Variants in LRTM1 observed in about 807,000 individuals in gnomAD.
The protein encoded by LRTM1 is leucine rich repeat transmembrane protein 1, also known as leucine-rich repeat and transmembrane domain-containing protein 1.
A neutral mutation model predicts 32.4 loss-of-function variants in LRTM1; 38 were observed. The observed-to-expected ratio is 1.17, with a 90% CI of 0.91 to 1.54. The LOEUF is 1.54. LRTM1 is among the 40% of genes most tolerant of loss of function. The pLI, the probability that LRTM1 is intolerant of heterozygous loss-of-function variation, is 0.00. For synonymous variants in LRTM1, 186 were observed against 169.9 expected, an observed-to-expected ratio of 1.09 and a Z score of -0.74; for missense variants, 466 against 415.4, an observed-to-expected ratio of 1.12 and a Z score of -1.06.
chr3:54,948,047 G>A (rs1416645036), intron 1 of LRTM1, among the ~76,000 whole-genome samples: 1 of 152,112 alleles, frequency 6.6e-6, no homozygotes, highest in Non-Finnish European at 1.5e-5. Flanking sequence ...TTCAATACAG[G>A]GCAGACCTTC....
intron 1 of LRTM1, among the ~76,000 whole-genome samples, chr3:54,944,396 G>GTATTTATTTATT (rs542683931): frequency 3.7e-4 from 55 of 148,634 alleles, no homozygotes; most frequent in Middle Eastern, 3.5e-3. Context: ...ATTTCCCAGG[G>GTATTTATTTATT]TATTTATTTA....
chr3:54,948,766 A>G (rs914000127), intron 1 of LRTM1, among the ~76,000 whole-genome samples: 2 of 152,242 alleles, frequency 1.3e-5, no homozygotes, highest in African/African-American at 4.8e-5. Context: ...ACAGATCTCT[A>G]TACATGAAGA....
chr3:54,934,010 G>T (rs1701270082), intron 1 of LRTM1, among the ~76,000 whole-genome samples: 1 of 152,052 alleles, frequency 6.6e-6, no homozygotes, highest in African/African-American at 2.4e-5. Flanking sequence ...ACCTGGGGTG[G>T]TCCACCTGCC....
At chr3:54,928,927 C>T (rs902145042), upstream of LRTM1, among the ~76,000 whole-genome samples, 8 of 152,148 alleles carry the variant, frequency 5.3e-5, no homozygotes, top group Non-Finnish European at 1.0e-4. Context: ...GGACTGGAAC[C>T]GTTTCTTTGA....
At chr3:54,922,198 T>A (rs1700872682) in intron 2 of LRTM1, among the ~76,000 whole-genome samples, 1 of 152,154 alleles carries the variant, frequency 6.6e-6, no homozygotes, top group Non-Finnish European at 1.5e-5. Context: ...TCAGTTTCCC[T>A]CTGGTGACAC....
chr3:54,921,438 T>A (rs1057299845), intron 2 of LRTM1, among the ~76,000 whole-genome samples: 3 of 152,152 alleles, frequency 2.0e-5, no homozygotes, highest in African/African-American at 7.2e-5. Context: ...TGTTTACTAG[T>A]AAATAGAGAG....
At chr3:54,946,455 A>G (rs1451264573) in intron 1 of LRTM1, among the ~76,000 whole-genome samples, 1 of 152,196 alleles carries the variant, frequency 6.6e-6, no homozygotes, top group Admixed American at 6.5e-5. Context: ...TGTTGGATGA[A>G]GAGAATATAG....
chr3:54,963,669 T>A (rs1316929837), intron 1 of LRTM1, among the ~76,000 whole-genome samples: 1 of 152,210 alleles, frequency 6.6e-6, no homozygotes, highest in East Asian at 1.9e-4. Context: ...GTGTTTTGGA[T>A]GATGCCCTGC....
chr3:54,935,507 C>T (rs1037831085), intron 1 of LRTM1, among the ~76,000 whole-genome samples: 1 of 152,158 alleles, frequency 6.6e-6, no homozygotes, highest in Non-Finnish European at 1.5e-5. Context: ...GGAAGCCTGG[C>T]CAAAGCCTCA....
chr3:54,936,163 C>CA (rs539489771), intron 1 of LRTM1, among the ~76,000 whole-genome samples: 9,526 of 127,834 alleles, frequency 0.075, 561 homozygotes, highest in African/African-American at 0.18. Context: ...AGAATCATAG[C>CA]AAAAAAAAAA....
intron 1 of LRTM1, among the ~76,000 whole-genome samples, chr3:54,948,714 T>G (rs1158108056): frequency 1.3e-5 from 2 of 152,204 alleles, no homozygotes; most frequent in African/African-American, 4.8e-5. Context: ...CATGCTGTTG[T>G]CAGCTATTGT....
At chr3:54,960,201 G>A (rs774747092) in intron 1 of LRTM1, among the ~76,000 whole-genome samples, 1 of 152,078 alleles carries the variant, frequency 6.6e-6, no homozygotes, top group Non-Finnish European at 1.5e-5. Flanking sequence ...GATTAAAATA[G>A]GCCTCCTCAG....
chr3:54,935,411 T>C (rs923395439), intron 1 of LRTM1, among the ~76,000 whole-genome samples: 4 of 152,134 alleles, frequency 2.6e-5, no homozygotes, highest in Non-Finnish European at 5.9e-5. Context: ...AGTGAGCTCA[T>C]GCGGCTGGTG....
intron 1 of LRTM1, among the ~76,000 whole-genome samples, chr3:54,959,055 C>T (rs549357214): frequency 5.7e-4 from 87 of 152,090 alleles, no homozygotes; most frequent in African/African-American, 1.9e-3. Context: ...GAGCCATGAT[C>T]GCGCCACTGC....
chr3:54,952,178 C>T (rs1011541442), intron 1 of LRTM1, among the ~76,000 whole-genome samples: 1 of 152,184 alleles, frequency 6.6e-6, no homozygotes, highest in Admixed American at 6.5e-5. Context: ...CCTCCTGCAC[C>T]CCTGTTGGTT....
upstream of LRTM1, among the ~76,000 whole-genome samples, chr3:54,932,341 C>T (rs1701210317): frequency 6.6e-6 from 1 of 151,790 alleles, no homozygotes; most frequent in African/African-American, 2.4e-5. Context: ...GAGGAATTAA[C>T]CCTATAAATA....
chr3:54,940,312 C>A (rs937609203), intron 1 of LRTM1, among the ~76,000 whole-genome samples: 2 of 152,168 alleles, frequency 1.3e-5, no homozygotes, highest in African/African-American at 4.8e-5. Flanking sequence ...GAATAGGGAG[C>A]AACTGTCTTC....
intron 2 of LRTM1, among the ~76,000 whole-genome samples, chr3:54,919,556 C>G (rs1019066870): frequency 2.0e-5 from 3 of 152,102 alleles, no homozygotes; most frequent in African/African-American, 7.2e-5. Context: ...TTTCCATTAC[C>G]TGTAAGGTGA....
Position 54,924,963 on chromosome 3 carries a change from G to C in LRTM1, c.260C>G (p.Ser87Ter), listed in dbSNP as rs866923787. The change falls in exon 2 of 3, where the codon TCA becomes TGA. Residue 87 changes from serine to a stop codon, truncating the protein, a stop_gained. Transcript: ENST00000273286. LOFTEE classifies it high-confidence loss of function. ...ATGGAAAGCTCCAGGGGCCAGATTT[G>C]AAAGGGAATTGTTGGACAAGTTTAA... Reference protein sequence around the residue: ...MTLNLSNNSLSNLAPGAFHGL... With the variant: ...MTLNLSNNSL 1 of 1,611,018 alleles carries C rather than the reference G, an allele frequency of 6.2e-7. No individual in the cohort carries two copies. Among genetic ancestry groups the C allele is most frequent in the Non-Finnish European group, 8.5e-7 (1 of 1,177,398 alleles).
Sources: gnomAD v4.1 joint callset for allele counts (sites outside exome capture counted in the v4.1 genomes callset) on GRCh38, gnomAD v4.1.1 for gene constraint, MANE v1.5 for transcripts, NCBI Gene and HGNC (gene_info 2026-07-23, HGNC 2026-07-21) for gene names.